Variants in SCMH1 observed in about 807,000 individuals in gnomAD.
SCMH1 encodes polycomb protein SCMH1.
A neutral mutation model predicts 70.8 loss-of-function variants in SCMH1; 37 were observed. That is an observed-to-expected ratio of 0.52 (90% CI 0.40 to 0.69). The LOEUF (loss-of-function observed/expected upper bound fraction) is 0.69, where lower values mean the gene tolerates loss of function less well. Ranked by LOEUF, SCMH1 falls within the 30% of genes least tolerant of loss-of-function variation. SCMH1 has a pLI of 0.00. For missense variants in SCMH1, 607 were observed against 827.3 expected (o/e 0.73, Z 3.27); for synonymous variants, 292 against 307.4 (o/e 0.95, Z 0.52).
At position 41,161,039 on chromosome 1, in the gene SCMH1, A is replaced by G. The variant is rs1042728832; in HGVS notation, c.83-141T>C. 7.3e-6 allele frequency: 7 copies of G among 959,958 alleles called. No homozygotes were observed. In the African/African-American group the frequency reaches 1.2e-4, roughly 16 times the overall value. The allele number at this position is 959,958 out of a possible 1,614,324, so 59.5% of individuals were successfully genotyped here. ...CATCCTAAAAGACACTGAGATTCTT[A>G]GTAGTCATTGTGGAAGCACACCACC... On this transcript the variant is annotated intron_variant, in intron 3 of 14. Coordinates refer to ENST00000337495, the Ensembl canonical transcript of SCMH1.
intron 2 of SCMH1, among the ~76,000 whole-genome samples, chr1:41,176,690 G>C (rs1290389981): frequency 6.6e-6 from 1 of 152,202 alleles, no homozygotes; most frequent in African/African-American, 2.4e-5. Flanking sequence ...CAAGGTGGCA[G>C]CGAGGCTGGG....
intron 2 of SCMH1, among the ~76,000 whole-genome samples, chr1:41,182,078 C>T (rs1418217567): frequency 6.6e-6 from 1 of 152,072 alleles, no homozygotes; most frequent in Non-Finnish European, 1.5e-5. Context: ...AAACCATCAT[C>T]CTCAACAAAC....
intron 1 of SCMH1, among the ~76,000 whole-genome samples, chr1:41,189,858 G>C (rs1028654618): frequency 1.3e-5 from 2 of 152,190 alleles, no homozygotes. Context: ...TATGTATAAT[G>C]TTTACCCTTT....
chr1:41,221,753 G>A (rs1170881591), intron 1 of SCMH1, among the ~76,000 whole-genome samples: 1 of 151,592 alleles, frequency 6.6e-6, no homozygotes, highest in African/African-American at 2.4e-5. Context: ...TTAGCCAGGT[G>A]TGGTGGCAGG....
intron 1 of SCMH1, among the ~76,000 whole-genome samples, chr1:41,223,512 T>C (rs950167327): frequency 5.3e-5 from 8 of 150,082 alleles, no homozygotes; most frequent in African/African-American, 1.5e-4. Flanking sequence ...CGTAATTTTA[T>C]CTTTTTTTTT....
intron 9 of SCMH1, among the ~76,000 whole-genome samples, chr1:41,074,384 A>C (rs866812549): frequency 6.6e-6 from 1 of 152,178 alleles, no homozygotes. Context: ...ATTTACTATA[A>C]AATAACATTA....
intron 4 of SCMH1, 62 bp from the exon 5 acceptor site, chr1:41,151,746 T>A: frequency 9.0e-7 from 1 of 1,114,618 alleles, no homozygotes; most frequent in Non-Finnish European, 1.3e-6. Context: ...TTTCAGGGTA[T>A]AATCTACACT....
chr1:41,214,535 T>C (rs1657696166), intron 1 of SCMH1, among the ~76,000 whole-genome samples: 1 of 152,128 alleles, frequency 6.6e-6, no homozygotes, highest in African/African-American at 2.4e-5. Context: ...GGGCCTTGAA[T>C]AGTAGTTATT....
intron 13 of SCMH1, 31 bp downstream of exon 13, chr1:41,037,331 G>A (rs747229946): frequency 5.6e-6 from 9 of 1,602,774 alleles, no homozygotes; most frequent in Non-Finnish European, 6.8e-6. Context: ...AGTGAGGGAG[G>A]GAAGGAGGGC....
At chr1:41,222,317 A>G (rs975519416) in intron 1 of SCMH1, among the ~76,000 whole-genome samples, 17 of 152,218 alleles carry the variant, frequency 1.1e-4, no homozygotes, top group African/African-American at 3.9e-4. Context: ...AATAGACAAT[A>G]AAAGTGATAA....
chr1:41,241,802 C>CG (rs1287869090), intron 1 of SCMH1, among the ~76,000 whole-genome samples: 1 of 151,850 alleles, frequency 6.6e-6, no homozygotes, highest in African/African-American at 2.4e-5. Context: ...GGGCCGCGAC[C>CG]GGACCGTGGG....
At chr1:41,170,603 C>T (rs1646726587) in intron 2 of SCMH1, among the ~76,000 whole-genome samples, 1 of 152,176 alleles carries the variant, frequency 6.6e-6, no homozygotes, top group Non-Finnish European at 1.5e-5. Context: ...TCTTATTGCT[C>T]TATTATTTCC....
intron 1 of SCMH1, among the ~76,000 whole-genome samples, chr1:41,217,328 TG>T (rs1369150149): frequency 2.0e-5 from 3 of 152,144 alleles, no homozygotes; most frequent in Non-Finnish European, 4.4e-5. Flanking sequence ...AAGCAAAGTG[TG>T]GAAGTATGGC....
At chr1:41,060,237 T>C (rs1026453971) in intron 10 of SCMH1, among the ~76,000 whole-genome samples, 1 of 152,110 alleles carries the variant, frequency 6.6e-6, no homozygotes, top group African/African-American at 2.4e-5. Flanking sequence ...CACCTAGGCA[T>C]ATCATTTTCA....
At chr1:41,221,600 G>A (rs1659288784) in intron 1 of SCMH1, among the ~76,000 whole-genome samples, 1 of 148,336 alleles carries the variant, frequency 6.7e-6, no homozygotes, top group Non-Finnish European at 1.5e-5. Context: ...AAAAAAAAAG[G>A]CTAGGGCCCA....
At chr1:41,145,381 G>C (rs1426272602) in intron 5 of SCMH1, among the ~76,000 whole-genome samples, 1 of 152,022 alleles carries the variant, frequency 6.6e-6, no homozygotes, top group East Asian at 1.9e-4. Flanking sequence ...TAAATTGATG[G>C]GTCAATTTCT....
chr1:41,133,709 C>A (rs775410141), intron 6 of SCMH1, among the ~76,000 whole-genome samples: 48 of 152,256 alleles, frequency 3.2e-4, no homozygotes, highest in Admixed American at 9.8e-4. Context: ...AATTCCTGGA[C>A]ACATACACTC....
intron 10 of SCMH1, among the ~76,000 whole-genome samples, chr1:41,058,721 G>A (rs1027313226): frequency 1.3e-5 from 2 of 152,124 alleles, no homozygotes; most frequent in Non-Finnish European, 2.9e-5. Context: ...TAGGCGGTAA[G>A]GGGAATGGTT....
At chr1:41,049,310 A>ATGTGTG (rs3030391) in intron 10 of SCMH1, among the ~76,000 whole-genome samples, 35,665 of 149,610 alleles carry the variant, frequency 0.24, 4,723 homozygotes, top group Middle Eastern at 0.36. Context: ...GCAAGGGCAT[A>ATGTGTG]TGTGTGTGTG....
Sources: allele counts gnomAD v4.1 joint callset (sites outside exome capture counted in the v4.1 genomes callset), GRCh38; gene constraint gnomAD v4.1.1; transcripts MANE v1.5; gene names NCBI Gene and HGNC (gene_info 2026-07-23, HGNC 2026-07-21).